The following PRKN variants were observed in gnomAD, a reference collection of about 807,000 sequenced individuals.
PRKN encodes parkin RBR E3 ubiquitin protein ligase.
In PRKN, 56 loss-of-function variants were observed where a neutral mutation model predicts 59.5. The observed-to-expected ratio is 0.94, with a 90% CI of 0.76 to 1.18. The LOEUF is 1.18. Ranked by LOEUF, PRKN falls within the 50% of genes most tolerant of loss-of-function variation. The pLI, the probability that PRKN is intolerant of heterozygous loss-of-function variation, is 0.00. For synonymous variants in PRKN, 250 were observed against 222.1 expected (o/e 1.13, Z -1.12); for missense variants, 657 against 596.4 (o/e 1.10, Z -1.06).
At chr6:161,668,936 T>C (rs1784816249) in intron 7 of PRKN, among the ~76,000 whole-genome samples, 1 of 152,202 alleles carries the variant, frequency 6.6e-6, no homozygotes, top group Admixed American at 6.5e-5. Context: ...CCACATGCTA[T>C]ATGGTCTGCA....
intron 5 of PRKN, among the ~76,000 whole-genome samples, chr6:161,991,769 G>C (rs1781657409): frequency 6.6e-6 from 1 of 152,076 alleles, no homozygotes; most frequent in Non-Finnish European, 1.5e-5. Flanking sequence ...CTTGAACCCA[G>C]GAGGTGGAGC....
intron 5 of PRKN, among the ~76,000 whole-genome samples, chr6:162,020,326 A>C (rs530352112): frequency 8.2e-6 from 1 of 122,414 alleles, no homozygotes; most frequent in African/African-American, 3.2e-5. Context: ...TAAGTGACCA[A>C]TGAATCAAAA....
At chr6:162,461,707 G>C (rs1423181323) in intron 1 of PRKN, among the ~76,000 whole-genome samples, 1 of 150,700 alleles carries the variant, frequency 6.6e-6, no homozygotes, top group Non-Finnish European at 1.5e-5. Flanking sequence ...TGTAACCCCA[G>C]CTACTCGGGG....
rs1054895577 is a variant in PRKN, at chr6:161,576,560, C to A, written c.872-7144G>T. Reference sequence around the variant, plus strand: ...TAGCCATTGTGCACCCACTTTGTGCCAGGCACTATTACGACACTTGGGTCG... The same window carrying A: ...TAGCCATTGTGCACCCACTTTGTGCAAGGCACTATTACGACACTTGGGTCG... On this transcript the variant is annotated intron_variant, in intron 7 of 11. Coordinates refer to ENST00000366898, the MANE Select transcript of PRKN (RefSeq NM_004562.3). The surrounding 1 kb of genome is among the most constrained non-coding windows in gnomAD (Gnocchi z 4.6). 6.6e-6 allele frequency among the ~76,000 whole-genome samples: 1 copy of A among 152,180 alleles called. No homozygotes were observed. The highest frequency in any genetic ancestry group is 2.1e-4 in the South Asian group (1 of 4,824).
intron 7 of PRKN, among the ~76,000 whole-genome samples, chr6:161,730,689 A>G (rs1157942122): frequency 4.0e-5 from 6 of 150,218 alleles, no homozygotes; most frequent in East Asian, 4.0e-4. Flanking sequence ...TGGCATTCTG[A>G]TGTGTTGTAT....
At chr6:161,867,759 T>TTATTTATTTATTTATG (rs1554236203) in intron 6 of PRKN, among the ~76,000 whole-genome samples, 3 of 150,122 alleles carry the variant, frequency 2.0e-5, no homozygotes, top group African/African-American at 7.4e-5. Flanking sequence ...ATTTATTTAT[T>TTATTTATTTATTTATG]TATTTATTTA....
intron 4 of PRKN, among the ~76,000 whole-genome samples, chr6:162,166,435 A>C: frequency 6.6e-6 from 1 of 152,154 alleles, no homozygotes; most frequent in East Asian, 1.9e-4. Flanking sequence ...CTGGGGGGTG[A>C]TAATGCTCTG....
chr6:161,692,929 C>G (rs1250704063), intron 7 of PRKN, among the ~76,000 whole-genome samples: 1 of 128,280 alleles, frequency 7.8e-6, no homozygotes, highest in African/African-American at 3.1e-5. Flanking sequence ...ACCTGGGCAA[C>G]AGAGTGAGAC....
chr6:161,683,006 C>T (rs1022715129), intron 7 of PRKN, among the ~76,000 whole-genome samples: 2 of 152,180 alleles, frequency 1.3e-5, no homozygotes, highest in Admixed American at 6.5e-5. Context: ...GGTGAGGGCT[C>T]CTCACATTTT....
intron 1 of PRKN, among the ~76,000 whole-genome samples, chr6:162,620,264 T>C (rs903489426): frequency 2.0e-4 from 30 of 152,166 alleles, no homozygotes; most frequent in Non-Finnish European, 8.8e-5. Flanking sequence ...TAAGTCAACA[T>C]CTTTTTCAGT....
chr6:162,664,064 C>G (rs528713834), intron 1 of PRKN, among the ~76,000 whole-genome samples: 5 of 152,204 alleles, frequency 3.3e-5, no homozygotes, highest in Admixed American at 6.5e-5. Flanking sequence ...CACCCTGCAA[C>G]AGGCCCTGGT....
intron 4 of PRKN, among the ~76,000 whole-genome samples, chr6:162,188,111 T>A (rs189185113): frequency 6.6e-6 from 1 of 152,268 alleles, no homozygotes; most frequent in Non-Finnish European, 1.5e-5. Flanking sequence ...ATGTAAGACA[T>A]GACTTGCTCC....
In PRKN at chr6:162,356,274, T is replaced by C. The variant is rs74821174; in HGVS notation, c.171+87036A>G. 2.7e-3 allele frequency among the ~76,000 whole-genome samples: 408 copies of C among 152,266 alleles called. 1 individual carries two copies. The highest frequency in any genetic ancestry group is 8.7e-3 in the African/African-American group (363 of 41,574). On this transcript the variant is annotated intron_variant, in intron 2 of 11. Coordinates refer to ENST00000366898, the MANE Select transcript of PRKN (RefSeq NM_004562.3). Reference sequence around the variant, plus strand: ...GCTTTAATCTTCTCTAACTGAAAGATGCTAATCTTTCTACTCTGTGGTCCT... The same window carrying C: ...GCTTTAATCTTCTCTAACTGAAAGACGCTAATCTTTCTACTCTGTGGTCCT...
intron 3 of PRKN, among the ~76,000 whole-genome samples, chr6:162,216,462 G>A (rs986784028): frequency 8.1e-5 from 12 of 149,066 alleles, no homozygotes; most frequent in African/African-American, 2.5e-4. Flanking sequence ...CCCGGGAAGC[G>A]GAGCTTGCAG....
At chr6:162,123,508 ATTTTGT>A (rs1781004187) in intron 4 of PRKN, among the ~76,000 whole-genome samples, 1 of 152,092 alleles carries the variant, frequency 6.6e-6, no homozygotes, top group Non-Finnish European at 1.5e-5. Flanking sequence ...TATGTTTGTA[ATTTTGT>A]GGTTAACTTT....
rs141811232 is a variant in PRKN, at chr6:161,773,580, C to T, written c.871+12192G>A. Among the ~76,000 whole-genome samples the T allele has an allele frequency of 5.3e-3, 800 of 152,236 alleles. 8 individuals are homozygous for T. Among genetic ancestry groups the T allele is most frequent in the African/African-American group, 0.018 (751 of 41,544 alleles). ...TCCTAAAGACAGCTGTTTTGAGCAA[C>T]TTTTGTAGCTACCTTAAGTACTGAC... On this transcript the variant is annotated intron_variant, in intron 7 of 11. Coordinates refer to ENST00000366898, the MANE Select transcript of PRKN (RefSeq NM_004562.3).
rs1479482756 is a variant in PRKN, at chr6:162,611,934, C to T, written c.7+115728G>A. On this transcript the variant is annotated intron_variant, in intron 1 of 11. Transcript: ENST00000366898. ...GGCGTGGTGGCTCACGCCTGTAATCCCAGCACTTTGGGAGGCCAAGGCGGG... is the reference window on the plus strand; with the variant it reads ...GGCGTGGTGGCTCACGCCTGTAATCTCAGCACTTTGGGAGGCCAAGGCGGG... Among the ~76,000 whole-genome samples the T allele has an allele frequency of 5.3e-5, 8 of 151,906 alleles. No homozygotes were observed. The South Asian group carries it at 1.2e-3, about 24-fold the overall frequency.
At chr6:161,947,302 G>GA (rs1315132003) in intron 6 of PRKN, among the ~76,000 whole-genome samples, 38 of 152,206 alleles carry the variant, frequency 2.5e-4, no homozygotes, top group Middle Eastern at 3.4e-3. Context: ...TAGAAAAAAA[G>GA]AAAAAAGTAG....
intron 7 of PRKN, among the ~76,000 whole-genome samples, chr6:161,683,312 C>T (rs1785439560): frequency 6.6e-6 from 1 of 152,138 alleles, no homozygotes; most frequent in Non-Finnish European, 1.5e-5. Context: ...GCGTCTGGGT[C>T]CTGGGAAAAG....
Sources: allele counts gnomAD v4.1 joint callset (sites outside exome capture counted in the v4.1 genomes callset), GRCh38; gene constraint gnomAD v4.1.1; non-coding constraint Gnocchi (gnomAD v3.1); transcripts MANE v1.5; gene names NCBI Gene and HGNC (gene_info 2026-07-23, HGNC 2026-07-21).